The following IAPP variants were observed in gnomAD, a reference collection of about 807,000 sequenced individuals.
IAPP encodes islet amyloid polypeptide, also known as Islet amyloid polypeptide (diabetes-associated peptide; amylin).
IAPP carries 4 observed loss-of-function variants against 2.9 expected under a neutral mutation model. The observed-to-expected ratio is 1.39, with a 90% CI of 0.69 to 3.19. The LOEUF (loss-of-function observed/expected upper bound fraction) is 3.19, where lower values mean the gene tolerates loss of function less well. IAPP is among the 30% of genes most tolerant of loss of function. IAPP has a pLI of 0.01. For synonymous variants in IAPP, 40 were observed against 42.1 expected (o/e 0.95, Z 0.19); for missense variants, 114 against 105.3 (o/e 1.08, Z -0.36).
At chr12:21,359,633 G>A (rs1053099275) in intron 1 of IAPP, among the ~76,000 whole-genome samples, 1 of 152,098 alleles carries the variant, frequency 6.6e-6, no homozygotes, top group Non-Finnish European at 1.5e-5. Context: ...TGTGGTCCCA[G>A]CTACTCGGGA....
upstream of IAPP, among the ~76,000 whole-genome samples, chr12:21,371,927 G>A (rs553685939): frequency 4.1e-4 from 63 of 151,876 alleles, no homozygotes; most frequent in Non-Finnish European, 7.1e-4. Context: ...ACTTGAACCC[G>A]GGAGGCACAG....
intron 1 of IAPP, among the ~76,000 whole-genome samples, chr12:21,363,951 C>T (rs904588600): frequency 2.6e-5 from 4 of 152,120 alleles, no homozygotes; most frequent in Admixed American, 6.5e-5. Context: ...GATTCACAGC[C>T]GAATTCTACC....
intron 1 of IAPP, among the ~76,000 whole-genome samples, chr12:21,362,329 C>T (rs1466960205): frequency 6.6e-6 from 1 of 152,064 alleles, no homozygotes; most frequent in African/African-American, 2.4e-5. Flanking sequence ...AAATAAAATG[C>T]TTTACAGACA....
At chr12:21,375,485 A>T (rs564643404) in intron 2 of IAPP, among the ~76,000 whole-genome samples, 3 of 152,354 alleles carry the variant, frequency 2.0e-5, no homozygotes, top group African/African-American at 7.2e-5. Flanking sequence ...AAATTTAATC[A>T]TCTCATTTGA....
intron 1 of IAPP, among the ~76,000 whole-genome samples, chr12:21,363,236 G>T (rs961562137): frequency 6.6e-6 from 1 of 152,176 alleles, no homozygotes; most frequent in African/African-American, 2.4e-5. Flanking sequence ...TCAGGATTAA[G>T]AAACTCACTC....
At chr12:21,364,840 G>A (rs534253882) in intron 1 of IAPP, among the ~76,000 whole-genome samples, 5 of 152,162 alleles carry the variant, frequency 3.3e-5, no homozygotes, top group African/African-American at 1.2e-4. Context: ...AACTTACAAG[G>A]GATGTGAAGT....
chr12:21,367,470 G>A (rs909748114), intron 1 of IAPP, among the ~76,000 whole-genome samples: 11 of 152,122 alleles, frequency 7.2e-5, no homozygotes, highest in South Asian at 2.1e-4. Flanking sequence ...AGATTTCCAT[G>A]AGAATGGGCA....
In IAPP at chr12:21,361,563, G is replaced by A. The variant is rs1283109875; in HGVS notation, c.-16+6550G>A. On this transcript the variant is annotated intron_variant, in intron 1 of 2. Coordinates refer to the IAPP transcript ENST00000539393. Reference sequence around the variant, plus strand: ...GACTTTGACGAGTTGACAGAAGAAGGCTTCAGAAGATTGGTAATAACAAAC... The same window carrying A: ...GACTTTGACGAGTTGACAGAAGAAGACTTCAGAAGATTGGTAATAACAAAC... 2.0e-5 allele frequency among the ~76,000 whole-genome samples: 3 copies of A among 152,326 alleles called. No homozygotes were observed. In the South Asian group the frequency reaches 6.2e-4, roughly 32 times the overall value.
At chr12:21,378,129 G>A in intron 2 of IAPP, 108 bp from the exon 3 acceptor site, 1 of 1,040,964 alleles carries the variant, frequency 9.6e-7, no homozygotes, top group Non-Finnish European at 1.4e-6. Flanking sequence ...TTACTTATGT[G>A]AAAATTGTTT....
intron 2 of IAPP, among the ~76,000 whole-genome samples, chr12:21,376,708 G>A (rs1940220577): frequency 4.6e-5 from 7 of 151,918 alleles, no homozygotes; most frequent in Admixed American, 3.9e-4. Flanking sequence ...TTTACTCTTA[G>A]GCTATCTCTA....
At chr12:21,366,934 T>C (rs1470603653) in intron 1 of IAPP, among the ~76,000 whole-genome samples, 4 of 151,790 alleles carry the variant, frequency 2.6e-5, no homozygotes, top group Non-Finnish European at 5.9e-5. Context: ...AGGAGACAAA[T>C]ATCAAGAAAA....
At chr12:21,366,793 T>C (rs936374689) in intron 1 of IAPP, among the ~76,000 whole-genome samples, 9 of 151,896 alleles carry the variant, frequency 5.9e-5, no homozygotes, top group African/African-American at 2.2e-4. Context: ...AAGTTGTTTT[T>C]TTATGGAAAA....
chr12:21,360,345 C>A (rs1283226119), intron 1 of IAPP, among the ~76,000 whole-genome samples: 1 of 152,036 alleles, frequency 6.6e-6, no homozygotes, highest in East Asian at 1.9e-4. Context: ...TGTAAAACGA[C>A]ACCAATATAA....
chr12:21,358,602 ATT>A (rs927876588), intron 1 of IAPP, among the ~76,000 whole-genome samples: 1 of 152,120 alleles, frequency 6.6e-6, no homozygotes, highest in African/African-American at 2.4e-5. Flanking sequence ...TGTGTCTTAT[ATT>A]TTATCACTAG....
chr12:21,378,239 A>G lies in IAPP; in HGVS notation c.83A>G (p.His28Arg), dbSNP rs749463838. ...NHLKATPIES[H>R]QVEKRKCNTA... ...TCACATTTGTTCCATGTTACCAGTC[A>G]TCAGGTGGAAAAGCGGAAATGCAAC... is the stretch of plus-strand genomic sequence containing the variant. Residue 28 changes from histidine to arginine, a missense_variant and splice_region_variant, in exon 3 of 3, where the codon CAT becomes CGT. Physicochemically the swap from His to Arg is conservative, Grantham distance 29. Coordinates refer to ENST00000240652, the MANE Select transcript of IAPP (RefSeq NM_000415.3). The G allele has an allele frequency of 1.2e-6, 2 of 1,614,126 alleles. No homozygotes were observed. The highest frequency in any genetic ancestry group is 2.2e-5 in the South Asian group (2 of 91,080).
upstream of IAPP, among the ~76,000 whole-genome samples, chr12:21,372,717 T>C (rs1939888452): frequency 6.6e-6 from 1 of 152,234 alleles, no homozygotes; most frequent in Admixed American, 6.5e-5. Flanking sequence ...AAGGACACTG[T>C]GTATTTGCTA....
chr12:21,373,417 T>TAC lies in IAPP; in HGVS notation c.69_70dup (p.Pro24HisfsTer27), dbSNP rs1565521110. ...CTGTTGCATTGAACCATCTGAAAGCTACACCCATTGAAAGGTTGGTAACTT... is the reference window on the plus strand; with the variant it reads ...CTGTTGCATTGAACCATCTGAAAGCTACACACCCATTGAAAGGTTGGTAACTT... On this transcript the variant is annotated frameshift_variant, in exon 2 of 3. Coordinates refer to ENST00000240652, the MANE Select transcript of IAPP (RefSeq NM_000415.3). LOFTEE classifies it low-confidence loss of function (END_TRUNC). The TAC allele has an allele frequency of 1.7e-5, 27 of 1,612,240 alleles. No individual in the cohort carries two copies. The highest frequency in any genetic ancestry group is 2.3e-5 in the Non-Finnish European group (27 of 1,178,394).
intron 1 of IAPP, among the ~76,000 whole-genome samples, chr12:21,367,457 G>A (rs1480582102): frequency 6.6e-6 from 1 of 152,076 alleles, no homozygotes. Flanking sequence ...GGCTATAGGA[G>A]AAAGATTTCC....
At chr12:21,361,309 C>T (rs1281509542) in intron 1 of IAPP, among the ~76,000 whole-genome samples, 1 of 152,198 alleles carries the variant, frequency 6.6e-6, no homozygotes, top group Non-Finnish European at 1.5e-5. Flanking sequence ...TCCAACAGAC[C>T]TGCAGTTGAG....
Sources: gnomAD v4.1 joint callset for allele counts (sites outside exome capture counted in the v4.1 genomes callset) on GRCh38, gnomAD v4.1.1 for gene constraint, MANE v1.5 for transcripts, NCBI Gene and HGNC (gene_info 2026-07-23, HGNC 2026-07-21) for gene names.